The following PWP1 variants were observed in gnomAD, a reference collection of about 807,000 sequenced individuals.
PWP1 encodes the protein periodic tryptophan protein 1 homolog.
PWP1 carries 47 observed loss-of-function variants against 69.9 expected under a neutral mutation model. That is an observed-to-expected ratio of 0.67 (90% CI 0.53 to 0.86). PWP1 has a LOEUF of 0.86. Among genes scored for constraint, PWP1 ranks in the 40% least tolerant of loss-of-function variants. The probability of loss-of-function intolerance (pLI) is 0.00; values close to 1 mark genes in which losing one functional copy is unlikely to be tolerated. For missense variants in PWP1, 551 were observed against 608.8 expected, an observed-to-expected ratio of 0.91 and a Z score of 1.00; for synonymous variants, 222 against 208.2, an observed-to-expected ratio of 1.07 and a Z score of -0.57.
At chr12:107,697,855 C>T (rs1340308410) in intron 7 of PWP1, 2 of 514,168 alleles carry the variant, frequency 3.9e-6, no homozygotes, top group Non-Finnish European at 7.5e-6. Context: ...ATATGAATAG[C>T]TACTATAGAT....
intron 10 of PWP1, 69 bp from the exon 11 acceptor site, chr12:107,704,567 T>C: frequency 9.4e-7 from 1 of 1,058,888 alleles, no homozygotes. Flanking sequence ...TTTATTACTA[T>C]TTCATTATAA....
chr12:107,700,880 C>T (rs976963449), intron 8 of PWP1, among the ~76,000 whole-genome samples: 7 of 148,262 alleles, frequency 4.7e-5, no homozygotes, highest in Admixed American at 1.4e-4. Context: ...TATATCATTG[C>T]GGTTTTAATT....
intron 11 of PWP1, among the ~76,000 whole-genome samples, chr12:107,707,625 A>G (rs1889849850): frequency 2.0e-5 from 3 of 152,162 alleles, no homozygotes; most frequent in African/African-American, 4.8e-5. Context: ...AATTTTGTCA[A>G]AGGCCTTTTC....
intron 6 of PWP1, 56 bp downstream of exon 6, chr12:107,696,640 A>C: frequency 1.9e-6 from 3 of 1,601,984 alleles, no homozygotes; most frequent in Non-Finnish European, 2.6e-6. Context: ...ATTTTCTCCT[A>C]GCTCCATAAA....
At position 107,711,848 on chromosome 12, in the gene PWP1, T is replaced by C. The variant is rs374512923; in HGVS notation, c.1397-263T>C. Among the ~76,000 whole-genome samples the C allele has an allele frequency of 6.8e-4, 103 of 152,022 alleles. 2 individuals carry two copies. Among genetic ancestry groups the C allele is most frequent in the African/African-American group, 2.4e-3 (99 of 41,424 alleles). ...GAAGTAGAATAAGGCCAGGAGAGGG[T>C]CACTTATAAGGAATGGGACATTTGT... is the stretch of plus-strand genomic sequence containing the variant. On this transcript the variant is annotated intron_variant, in intron 14 of 14. Transcript: ENST00000412830.
chr12:107,702,026 C>T (rs1360336047), intron 8 of PWP1, among the ~76,000 whole-genome samples: 1 of 152,124 alleles, frequency 6.6e-6, no homozygotes, highest in Admixed American at 6.5e-5. Context: ...TACCTTAGTA[C>T]CCTTGTCAAA....
chr12:107,700,589 GCTT>G (rs1353416124), intron 8 of PWP1, among the ~76,000 whole-genome samples: 3 of 152,146 alleles, frequency 2.0e-5, no homozygotes, highest in Non-Finnish European at 1.5e-5. Flanking sequence ...CACCTGGATT[GCTT>G]CTTCTGCCTT....
chr12:107,696,690 A>AT, intron 6 of PWP1, 106 bp downstream of exon 6: 6 of 1,509,280 alleles, frequency 4.0e-6, no homozygotes, highest in Non-Finnish European at 5.3e-6. Flanking sequence ...TGTTGCTGAT[A>AT]TTTTCTGAAG....
intron 5 of PWP1, among the ~76,000 whole-genome samples, chr12:107,695,601 G>A (rs1382002478): frequency 3.9e-5 from 6 of 152,108 alleles, no homozygotes; most frequent in Non-Finnish European, 7.4e-5. Flanking sequence ...CAATGTTTTT[G>A]CTGCTTAACA....
In PWP1 at chr12:107,685,984, C is replaced by T. The variant is rs1183447841; in HGVS notation, c.72+13C>T. ...GACACCAGACAAGGTGAGGCCTGGTCGCTGGGAGACAAGGGGAGCAGCGTC... is the reference window on the plus strand; with the variant it reads ...GACACCAGACAAGGTGAGGCCTGGTTGCTGGGAGACAAGGGGAGCAGCGTC... On this transcript the variant is annotated intron_variant, in intron 1 of 14. Transcript: ENST00000412830. 2 of 1,613,170 alleles carry T rather than the reference C, an allele frequency of 1.2e-6. No homozygotes were observed. The highest frequency in any genetic ancestry group is 2.2e-5 in the East Asian group (1 of 44,874).
chr12:107,709,383 G>A, intron 13 of PWP1, 151 bp downstream of exon 13: 1 of 1,062,458 alleles, frequency 9.4e-7, no homozygotes, highest in South Asian at 1.7e-5. Context: ...AGTCAAATTT[G>A]GTGGGATTTT....
rs34017446 is a variant in PWP1, at chr12:107,695,720, A to G, written c.503-754A>G. Among the ~76,000 whole-genome samples the G allele has an allele frequency of 5.8e-3, 882 of 152,322 alleles. 7 individuals are homozygous for G. Among genetic ancestry groups the G allele is most frequent in the South Asian group, 0.016 (79 of 4,826 alleles). On this transcript the variant is annotated intron_variant, in intron 5 of 14. Coordinates refer to ENST00000412830, the MANE Select transcript of PWP1 (RefSeq NM_007062.3). ...AACCTTTTTTAAAAATATTAAGAGTAATTTTTGATAAGCATTTAGATTTCC... is the reference window on the plus strand; with the variant it reads ...AACCTTTTTTAAAAATATTAAGAGTGATTTTTGATAAGCATTTAGATTTCC...
intron 11 of PWP1, 103 bp downstream of exon 11, chr12:107,704,850 T>A (rs139350050): frequency 1.2e-3 from 1,158 of 954,836 alleles, no homozygotes; most frequent in Non-Finnish European, 1.6e-3. Context: ...GTTTTAACAG[T>A]ATGAAGTATT....
chr12:107,711,047 G>A (rs1276927365), intron 14 of PWP1, among the ~76,000 whole-genome samples: 5 of 152,128 alleles, frequency 3.3e-5, no homozygotes, highest in East Asian at 1.9e-4. Flanking sequence ...AGACAGCCCC[G>A]AACAGAGATT....
rs1230498141 is a variant in PWP1, at chr12:107,712,270, T to C, written c.*50T>C. ...ACCTTAACTGGGAATTTTAAAAAGT[T>C]GGCCTAAAAATGTTCCATGCGTGGC... On this transcript the variant is annotated 3_prime_UTR_variant, in exon 15 of 15. Coordinates refer to ENST00000412830, the MANE Select transcript of PWP1 (RefSeq NM_007062.3). 1 of 1,502,428 alleles carries C rather than the reference T, an allele frequency of 6.7e-7. No homozygotes were observed. The highest frequency in any genetic ancestry group is 9.3e-7 in the Non-Finnish European group (1 of 1,080,910). The allele number at this position is 1,502,428 out of a possible 1,614,324, so 93.1% of individuals were successfully genotyped here.
intron 8 of PWP1, among the ~76,000 whole-genome samples, chr12:107,699,829 A>G (rs530912013): frequency 6.6e-6 from 1 of 152,352 alleles, no homozygotes; most frequent in African/African-American, 2.4e-5. Flanking sequence ...CATATAACAT[A>G]AAAGTTAACA....
chr12:107,707,922 G>C (rs1889858109), intron 11 of PWP1, among the ~76,000 whole-genome samples: 1 of 152,146 alleles, frequency 6.6e-6, no homozygotes, highest in Non-Finnish European at 1.5e-5. Flanking sequence ...CATAAAATGA[G>C]TTAGGGGGGA....
rs1473477684 is a variant in PWP1, at chr12:107,697,645, A to G, written c.744+48A>G. 8 of 1,551,912 alleles carry G rather than the reference A, an allele frequency of 5.2e-6. No homozygotes were observed. In the South Asian group the frequency reaches 9.0e-5, roughly 18 times the overall value. On this transcript the variant is annotated intron_variant, in intron 7 of 14. Transcript: ENST00000412830. ...AAACTCTAATGACAGAGGTAAGTTT[A>G]CTCGGGAGTAGGGGTGAAGGGTAAG...
rs773539343 is a variant in PWP1 at position 107,703,668 on chromosome 12, A to AT, written c.904-16dup. 1.5e-4 allele frequency: 242 copies of AT among 1,585,550 alleles called. No homozygotes were observed. Among genetic ancestry groups the AT allele is most frequent in the Non-Finnish European group, 2.0e-4 (229 of 1,154,220 alleles). ...CAAACCAACAGAGATCTCTGCATTT[A>AT]TGTTTCCTCCCTTTAGGTCCAAACA... is the stretch of plus-strand genomic sequence containing the variant. On this transcript the variant is annotated splice_polypyrimidine_tract_variant and intron_variant, in intron 9 of 14. Coordinates refer to ENST00000412830, the MANE Select transcript of PWP1 (RefSeq NM_007062.3).
Sources: allele counts gnomAD v4.1 joint callset (sites outside exome capture counted in the v4.1 genomes callset), GRCh38; gene constraint gnomAD v4.1.1; transcripts MANE v1.5; gene names NCBI Gene and HGNC (gene_info 2026-07-23, HGNC 2026-07-21).